Variants in NREP observed in about 807,000 individuals in gnomAD.
The protein encoded by NREP is neuronal regeneration-related protein.
Under a neutral mutation model 8.6 loss-of-function variants are expected in NREP, and 5 were observed. The observed-to-expected ratio is 0.58, with a 90% CI of 0.30 to 1.22. The LOEUF (loss-of-function observed/expected upper bound fraction) is 1.22. NREP is among the 50% of genes most tolerant of loss of function. The pLI is 0.07. For missense variants in NREP, 86 were observed against 82.5 expected, an observed-to-expected ratio of 1.04 and a Z score of -0.17; for synonymous variants, 27 against 28.0, an observed-to-expected ratio of 0.96 and a Z score of 0.11.
chr5:111,863,059 G>T (rs1753587669), intron 2 of NREP, among the ~76,000 whole-genome samples: 2 of 151,872 alleles, frequency 1.3e-5, no homozygotes, highest in African/African-American at 4.8e-5. Flanking sequence ...TGATCACTTT[G>T]ACCTTAAGGT....
Position 111,729,694 on chromosome 5 carries a change from C to T in NREP, c.*1227G>A, listed in dbSNP as rs1748378666. 1 of 152,668 alleles carries T rather than the reference C, an allele frequency of 6.6e-6. No individual in the cohort carries two copies. Among genetic ancestry groups the T allele is most frequent in the African/African-American group, 2.4e-5 (1 of 41,472 alleles). 9.5% of individuals were successfully genotyped at this position (152,668 alleles called of 1,614,324 possible). ...ATAAAAATTAAGGTGGGCTTTCAGA[C>T]TGGCTAACACAACAACATTCCATGA... On this transcript the variant is annotated 3_prime_UTR_variant, in exon 4 of 4. Transcript: ENST00000257435.
At chr5:111,792,069 A>C (rs987463672) in intron 2 of NREP, among the ~76,000 whole-genome samples, 2 of 152,250 alleles carry the variant, frequency 1.3e-5, no homozygotes, top group African/African-American at 4.8e-5. Flanking sequence ...AATTTGCTTT[A>C]GACCTAGGTG....
At chr5:111,788,424 G>C (rs1363976619) in intron 2 of NREP, among the ~76,000 whole-genome samples, 1 of 152,184 alleles carries the variant, frequency 6.6e-6, no homozygotes, top group Non-Finnish European at 1.5e-5. Context: ...GAGAGAAACT[G>C]AGCTGTGTCT....
intron 2 of NREP, among the ~76,000 whole-genome samples, chr5:111,948,207 A>G (rs1444935126): frequency 6.6e-6 from 1 of 152,050 alleles, no homozygotes; most frequent in African/African-American, 2.4e-5. Context: ...CTGTAATGCT[A>G]TTTCCCTGGT....
At chr5:111,906,367 T>C (rs1031784308) in intron 2 of NREP, among the ~76,000 whole-genome samples, 2 of 152,116 alleles carry the variant, frequency 1.3e-5, no homozygotes, top group Non-Finnish European at 2.9e-5. Context: ...ACGAAATTGA[T>C]GGCAAGTAGC....
chr5:111,956,863 C>G (rs1250554936), intron 2 of NREP, among the ~76,000 whole-genome samples: 2 of 151,898 alleles, frequency 1.3e-5, no homozygotes, highest in Non-Finnish European at 2.9e-5. Flanking sequence ...ACTTGGGAGG[C>G]TGAGGCATGA....
intron 2 of NREP, among the ~76,000 whole-genome samples, chr5:111,763,740 C>G (rs1053137093): frequency 6.8e-6 from 1 of 147,098 alleles, no homozygotes; most frequent in Non-Finnish European, 1.5e-5. Context: ...ATTTTAAAAT[C>G]CCAGTACGTC....
chr5:111,948,540 T>C (rs74863307), intron 2 of NREP, among the ~76,000 whole-genome samples: 7,131 of 152,218 alleles, frequency 0.047, 211 homozygotes, highest in Non-Finnish European at 0.063. Context: ...ATCATGTGTC[T>C]TATGTACCCA....
upstream of NREP, chr5:111,758,055 C>G: frequency 2.0e-6 from 2 of 985,574 alleles, no homozygotes; most frequent in Non-Finnish European, 2.4e-6. Flanking sequence ...CGGCGCGGAG[C>G]CGCGCTCAGA....
At chr5:111,765,439 T>C (rs1363542033) in intron 2 of NREP, among the ~76,000 whole-genome samples, 2 of 152,222 alleles carry the variant, frequency 1.3e-5, no homozygotes, top group Non-Finnish European at 2.9e-5. Context: ...TAAAGTTGCA[T>C]TTAAAGCAGG....
chr5:111,942,842 G>C (rs1033480217), intron 2 of NREP, among the ~76,000 whole-genome samples: 1 of 152,016 alleles, frequency 6.6e-6, no homozygotes, highest in South Asian at 2.1e-4. Context: ...GTCAACACTA[G>C]GCAAGTTACT....
chr5:111,943,034 T>C (rs1755875072), intron 2 of NREP, among the ~76,000 whole-genome samples: 1 of 152,014 alleles, frequency 6.6e-6, no homozygotes, highest in Non-Finnish European at 1.5e-5. Flanking sequence ...TGATCTCCTA[T>C]ACATATGTGG....
At chr5:111,761,681 A>G (rs866401680), upstream of NREP, among the ~76,000 whole-genome samples, 7 of 152,116 alleles carry the variant, frequency 4.6e-5, no homozygotes, top group East Asian at 1.9e-4. Flanking sequence ...TTCCTTCTCA[A>G]CGAAATCTTG....
chr5:111,879,761 G>A (rs1754002455), intron 2 of NREP, among the ~76,000 whole-genome samples: 1 of 152,216 alleles, frequency 6.6e-6, no homozygotes, highest in Non-Finnish European at 1.5e-5. Context: ...GCTTTGGTGA[G>A]AGTTCCTTCC....
chr5:111,884,705 C>T (rs1282529590), intron 2 of NREP, among the ~76,000 whole-genome samples: 1 of 152,212 alleles, frequency 6.6e-6, no homozygotes, highest in Non-Finnish European at 1.5e-5. Context: ...AGCATATAAA[C>T]AGAACCAAAC....
rs77594359 is a variant in NREP at position 111,892,002 on chromosome 5, G to A, written c.135+83272C>T. On this transcript the variant is annotated intron_variant, in intron 2 of 3. Coordinates refer to the NREP transcript ENST00000395634. The stretch of plus-strand genomic sequence containing the variant: ...AAACTTAGCAGAATGTAGAAGTAGA[G>A]GAGTGAATGCATTCTATGAGACACT... Among the ~76,000 whole-genome samples the A allele has an allele frequency of 3.5e-3, 533 of 152,206 alleles. 6 individuals carry two copies. The highest frequency in any genetic ancestry group is 0.016 in the South Asian group (77 of 4,818).
At chr5:111,927,950 T>C (rs992279436) in intron 2 of NREP, among the ~76,000 whole-genome samples, 1 of 152,094 alleles carries the variant, frequency 6.6e-6, no homozygotes, top group Non-Finnish European at 1.5e-5. Context: ...GGATGGACTG[T>C]GAAAAAGTCT....
chr5:111,970,910 C>A (rs1408949111), intron 2 of NREP, among the ~76,000 whole-genome samples: 2 of 150,860 alleles, frequency 1.3e-5, no homozygotes, highest in Admixed American at 1.3e-4. Flanking sequence ...TTCTGCCTTT[C>A]CTTTCTCTTG....
At chr5:111,822,936 T>G (rs1002474341) in intron 2 of NREP, among the ~76,000 whole-genome samples, 7 of 152,194 alleles carry the variant, frequency 4.6e-5, no homozygotes, top group Admixed American at 1.3e-4. Flanking sequence ...AGCCATATGT[T>G]TTAGTCCATT....
Sources: gnomAD v4.1 joint callset for allele counts (sites outside exome capture counted in the v4.1 genomes callset) on GRCh38, gnomAD v4.1.1 for gene constraint, MANE v1.5 for transcripts, NCBI Gene and HGNC (gene_info 2026-07-23, HGNC 2026-07-21) for gene names.